PCDHA4: variants seen among roughly 807,000 people sequenced by gnomAD.
PCDHA4 encodes the protein protocadherin alpha 4.
PCDHA4 carries 49 observed loss-of-function variants against 61.4 expected under a neutral mutation model. The observed-to-expected ratio is 0.80, with a 90% CI of 0.63 to 1.01. PCDHA4 has a LOEUF of 1.01. Among genes scored for constraint, PCDHA4 ranks in the 50% least tolerant of loss-of-function variants. PCDHA4 has a pLI of 0.00. For synonymous variants in PCDHA4, 590 were observed against 550.3 expected (o/e 1.07, Z -1.01); for missense variants, 1,254 against 1,235.8 (o/e 1.01, Z -0.22).
intron 1 of PCDHA4, among the ~76,000 whole-genome samples, chr5:140,969,920 A>G (rs1554232150): frequency 6.6e-6 from 1 of 152,226 alleles, no homozygotes; most frequent in African/African-American, 2.4e-5. Flanking sequence ...ATAAAGCTGT[A>G]GTATTTAGAC....
intron 1 of PCDHA4, among the ~76,000 whole-genome samples, chr5:140,971,538 C>T (rs1162304462): frequency 6.6e-6 from 1 of 152,122 alleles, no homozygotes; most frequent in African/African-American, 2.4e-5. Flanking sequence ...GTCATCATTG[C>T]CAGATCAACC....
chr5:140,898,147 C>T (rs2066556304), intron 1 of PCDHA4, among the ~76,000 whole-genome samples: 1 of 152,150 alleles, frequency 6.6e-6, no homozygotes, highest in African/African-American at 2.4e-5. Flanking sequence ...GTTGCCTGTT[C>T]ACGCTGATGG....
rs1562206835 is a variant in PCDHA4, at chr5:140,807,238, A to G, written c.51A>G (p.Leu17=). ...AGGAATCCCGGCGTCTGCTGCTCTT[A>G]CTTCTTCTCCTCGCAGCCTGGGAGG... ...SGQESRRLLL[L]LLLLAAWEAG... Residue 17 remains leucine (L), a synonymous_variant, in exon 1 of 4, where the codon TTA becomes TTG. Transcript: ENST00000530339. 2.5e-6 allele frequency: 4 copies of G among 1,614,010 alleles called. No homozygotes were observed. Among genetic ancestry groups the G allele is most frequent in the Non-Finnish European group, 3.4e-6 (4 of 1,180,006 alleles).
chr5:140,843,511 C>G (rs1554140155), intron 1 of PCDHA4: 1 of 1,595,670 alleles, frequency 6.3e-7, no homozygotes, highest in Non-Finnish European at 8.6e-7. Context: ...CCACTGAGGG[C>G]GGGTGCCGGG....
Position 140,927,704 on chromosome 5 carries a change from C to T in PCDHA4, c.2386-51245C>T, listed in dbSNP as rs782172290. ...GGGTCCAATGGGGAAGTCCAGTACT[C>T]CCTAAGCAACAGCACGCAAGCAGAG... On this transcript the variant is annotated intron_variant, in intron 1 of 3. Coordinates refer to ENST00000530339, the MANE Select transcript of PCDHA4 (RefSeq NM_018907.4). 6.2e-6 allele frequency: 10 copies of T among 1,614,072 alleles called. No homozygotes were observed. In the Admixed American group the frequency reaches 1.2e-4, roughly 19 times the overall value.
intron 3 of PCDHA4, among the ~76,000 whole-genome samples, chr5:140,989,801 G>A (rs1554251107): frequency 1.3e-5 from 2 of 152,184 alleles, no homozygotes; most frequent in Non-Finnish European, 1.5e-5. Context: ...CCCAGGAAAG[G>A]GCCATAAGAT....
chr5:140,869,252 A>G (rs1204781858), intron 1 of PCDHA4: 2 of 1,613,490 alleles, frequency 1.2e-6, no homozygotes, highest in African/African-American at 2.7e-5. Flanking sequence ...CGCATCGCGC[A>G]GGACCTGGGG....
At chr5:140,851,144 T>C in intron 1 of PCDHA4, 1 of 1,310,570 alleles carries the variant, frequency 7.6e-7, no homozygotes, top group Non-Finnish European at 9.9e-7. Context: ...TAAAGTGACA[T>C]TGAATTTCTG....
intron 2 of PCDHA4, among the ~76,000 whole-genome samples, chr5:140,980,702 G>A (rs1472407152): frequency 6.6e-6 from 1 of 151,558 alleles, no homozygotes; most frequent in Non-Finnish European, 1.5e-5. Flanking sequence ...AAAGCCAAAT[G>A]TGCTCCTATT....
intron 3 of PCDHA4, among the ~76,000 whole-genome samples, chr5:141,006,194 A>G (rs1455369245): frequency 1.3e-5 from 2 of 149,246 alleles, no homozygotes; most frequent in African/African-American, 2.5e-5. Context: ...TGCTATATGT[A>G]TGTTATGCCT....
chr5:140,888,748 T>C (rs782271029), intron 1 of PCDHA4, among the ~76,000 whole-genome samples: 13 of 152,122 alleles, frequency 8.5e-5, no homozygotes, highest in Admixed American at 7.9e-4. Flanking sequence ...GGAATTATTC[T>C]ACCCACTTTT....
At chr5:140,862,970 C>T (rs1554157323) in intron 1 of PCDHA4, 4 of 545,310 alleles carry the variant, frequency 7.3e-6, no homozygotes, top group South Asian at 5.5e-5. Context: ...GGATGCAGGC[C>T]ACTTGGTGGC....
chr5:140,850,487 T>C (rs2150486193), intron 1 of PCDHA4: 2 of 1,597,790 alleles, frequency 1.3e-6, no homozygotes, highest in East Asian at 2.2e-5. Flanking sequence ...CCACGGCCAC[T>C]GTGCTGGTGT....
chr5:140,875,254 T>C, intron 1 of PCDHA4: 1 of 1,054,680 alleles, frequency 9.5e-7, no homozygotes, highest in Non-Finnish European at 1.3e-6. Flanking sequence ...ATCAGTCACA[T>C]GATGTCGCTC....
At position 140,879,168 on chromosome 5, in the gene PCDHA4, A is replaced by G. The variant is rs2057882676; in HGVS notation, c.2385+69596A>G. Among the ~76,000 whole-genome samples, 5 of 152,334 alleles carry G rather than the reference A, an allele frequency of 3.3e-5. 1 individual carries two copies. Among genetic ancestry groups the G allele is most frequent in the Admixed American group, 6.5e-5 (1 of 15,308 alleles). On this transcript the variant is annotated intron_variant, in intron 1 of 3. Coordinates refer to ENST00000530339, the MANE Select transcript of PCDHA4 (RefSeq NM_018907.4). ...AGGAAAGCTATTTCTTTTTTAATAAATTAGGTATCAAGTAATGGAGACTTA... is the reference window on the plus strand; with the variant it reads ...AGGAAAGCTATTTCTTTTTTAATAAGTTAGGTATCAAGTAATGGAGACTTA...
In PCDHA4 at chr5:140,852,913, C is replaced by T. The variant is rs1049603873; in HGVS notation, c.2385+43341C>T. ...TTTTTTTTTGAGTCAGAGTCTCGCTCTGTTGCCCAGGCTGGAGTGCAGTGG... is the reference window on the plus strand; with the variant it reads ...TTTTTTTTTGAGTCAGAGTCTCGCTTTGTTGCCCAGGCTGGAGTGCAGTGG... On this transcript the variant is annotated intron_variant, in intron 1 of 3. Coordinates refer to ENST00000530339, the MANE Select transcript of PCDHA4 (RefSeq NM_018907.4). 2.0e-4 allele frequency: 157 copies of T among 789,674 alleles called. 4 individuals are homozygous for T. The highest frequency in any genetic ancestry group is 2.4e-4 in the Non-Finnish European group (154 of 638,000). 48.9% of individuals were successfully genotyped at this position (789,674 alleles called of 1,614,324 possible). A position where few individuals can be genotyped will look rare whatever the true frequency, so the allele number is the denominator to read the frequency against.
In PCDHA4 at chr5:140,982,557, A is replaced by G. The variant is rs199851685; in HGVS notation, c.2527A>G (p.Thr843Ala). 6.2e-7 allele frequency: 1 copy of G among 1,614,138 alleles called. No homozygotes were observed. The highest frequency in any genetic ancestry group is 1.7e-5 in the Admixed American group (1 of 60,030). The change falls in exon 3 of 4, where the codon ACA becomes GCA. Residue 843 changes from threonine (T) to alanine (A), a missense_variant. Physicochemically the swap from Thr to Ala is moderately conservative, Grantham distance 58. Transcript: ENST00000530339. ...GCAGTGGCCAACAGTATCCAGTGCAACACCAGGTAAAGAGCTGGGGTCTCT... is the reference window on the plus strand; with the variant it reads ...GCAGTGGCCAACAGTATCCAGTGCAGCACCAGGTAAAGAGCTGGGGTCTCT... Reference protein sequence around the residue: ...DQQWPTVSSATPEPEAGEVSP... With the variant: ...DQQWPTVSSAAPEPEAGEVSP...
chr5:140,856,231 C>G, intron 1 of PCDHA4: 1 of 1,597,900 alleles, frequency 6.3e-7, no homozygotes. Flanking sequence ...TGGTGCAGCG[C>G]CTGTTCCGGG....
intron 1 of PCDHA4, among the ~76,000 whole-genome samples, chr5:140,937,761 A>C (rs868923892): frequency 6.6e-6 from 1 of 151,650 alleles, no homozygotes; most frequent in Non-Finnish European, 1.5e-5. Flanking sequence ...AAATACAAAA[A>C]ATTAGTCGGG....
Sources: gnomAD v4.1 joint callset for allele counts (sites outside exome capture counted in the v4.1 genomes callset) on GRCh38, gnomAD v4.1.1 for gene constraint, MANE v1.5 for transcripts, NCBI Gene and HGNC (gene_info 2026-07-23, HGNC 2026-07-21) for gene names.